Variants in GSE1 observed in about 807,000 individuals in gnomAD.
The protein encoded by GSE1 is genetic suppressor element 1.
In GSE1, 32 loss-of-function variants were observed where a neutral mutation model predicts 112.6. The ratio of observed to expected loss-of-function variants is 0.28; its 90% CI spans 0.21 to 0.38. The LOEUF (loss-of-function observed/expected upper bound fraction) is 0.38, where lower values mean the gene tolerates loss of function less well. Among genes scored for constraint, GSE1 ranks in the 10% least tolerant of loss-of-function variants. GSE1 has a pLI of 1.00. For missense variants in GSE1, 2,348 were observed against 1,699.2 expected, an observed-to-expected ratio of 1.38 and a Z score of -6.71; for synonymous variants, 1,115 against 735.6, an observed-to-expected ratio of 1.52 and a Z score of -8.35.
intron 1 of GSE1, among the ~76,000 whole-genome samples, chr16:85,173,303 A>G (rs2074395466): frequency 6.6e-6 from 1 of 152,162 alleles, no homozygotes; most frequent in African/African-American, 2.4e-5. Context: ...AGATTTCGAA[A>G]TTCTGCCCTT....
chr16:85,501,633 A>G (rs570275236), intron 2 of GSE1, among the ~76,000 whole-genome samples: 3 of 149,670 alleles, frequency 2.0e-5, no homozygotes, highest in East Asian at 2.0e-4. Flanking sequence ...GGCCTCGGCA[A>G]CCCTCCCACC....
At chr16:85,662,836 C>T (rs1299072558) in intron 9 of GSE1, 145 bp from the exon 10 acceptor site, 14 of 616,778 alleles carry the variant, frequency 2.3e-5, no homozygotes, top group African/African-American at 2.0e-4. Flanking sequence ...GTTTCCACCT[C>T]GGTTGAAAGG....
Position 85,656,388 on chromosome 16 carries a change from C to G in GSE1, c.1035C>G (p.Arg345=), listed in dbSNP as rs374136142. The G allele has an allele frequency of 1.3e-6, 2 of 1,560,192 alleles. No homozygotes were observed. Among genetic ancestry groups the G allele is most frequent in the Non-Finnish European group, 1.7e-6 (2 of 1,147,252 alleles). Residue 345 remains arginine (R), a synonymous_variant, in exon 7 of 16, where the codon CGC becomes CGG. Coordinates refer to ENST00000253458, the MANE Select transcript of GSE1 (RefSeq NM_014615.5). ...EELRRERERE[R]EREREREADR... The stretch of plus-strand genomic sequence containing the variant: ...TAAGGCGGGAGAGGGAGCGCGAGCG[C>G]GAGCGCGAGCGTGAGCGTGAGGCTG...
At chr16:85,248,739 C>T (rs575740147) in intron 1 of GSE1, among the ~76,000 whole-genome samples, 1 of 152,328 alleles carries the variant, frequency 6.6e-6, no homozygotes, top group African/African-American at 2.4e-5. Context: ...GAGCCATCTC[C>T]CCCCATTGAT....
At position 85,171,615 on chromosome 16, in the gene GSE1, G is replaced by T. The variant is rs576031283; in HGVS notation, c.2091G>T (p.Leu697=). ...AGGAGAAGAAACGGTGTCTGGGGCT[G>T]AAGTCCGTGCGGGTGGCCCGGCTGC... The change falls in exon 1 of 3, where the codon CTG becomes CTT. Residue 697 remains leucine (L), a synonymous_variant. Coordinates refer to the GSE1 transcript ENST00000637419. The T allele has an allele frequency of 2.2e-5, 22 of 985,578 alleles. No individual in the cohort carries two copies. In the South Asian group the frequency reaches 7.5e-4, roughly 34 times the overall value. The allele number at this position is 985,578 out of a possible 1,614,324, so 61.1% of individuals were successfully genotyped here. A position where few individuals can be genotyped will look rare whatever the true frequency, so the allele number is the denominator to read the frequency against.
At chr16:85,659,388 G>C (rs1349966490) in intron 8 of GSE1, 1 of 152,340 alleles carries the variant, frequency 6.6e-6, no homozygotes, top group African/African-American at 2.4e-5. Flanking sequence ...GCCAGGCACA[G>C]TGACACATGC....
intron 1 of GSE1, among the ~76,000 whole-genome samples, chr16:85,205,546 A>T (rs1209292649): frequency 1.3e-5 from 2 of 152,172 alleles, no homozygotes. Flanking sequence ...TTGTGTCTTC[A>T]CTGCCTTACT....
In GSE1 at chr16:85,183,141, G is replaced by A. The variant is rs555981107; in HGVS notation, c.2283+11334G>A. Among the ~76,000 whole-genome samples the A allele has an allele frequency of 1.3e-3, 204 of 151,794 alleles. 1 individual carries two copies. Among genetic ancestry groups the A allele is most frequent in the South Asian group, 0.012 (57 of 4,794 alleles). On this transcript the variant is annotated intron_variant, in intron 1 of 2. Coordinates refer to the GSE1 transcript ENST00000637419. ...CCCTCACCCCCTCACCGCCACATTC[G>A]CACTCATACACCTGCACAGTCATTT...
chr16:85,493,285 A>G (rs1032452344), intron 2 of GSE1, among the ~76,000 whole-genome samples: 4 of 152,164 alleles, frequency 2.6e-5, no homozygotes, highest in Non-Finnish European at 5.9e-5. Flanking sequence ...CCCCATTTCT[A>G]TAACAAAATA....
intron 2 of GSE1, among the ~76,000 whole-genome samples, chr16:85,425,395 T>C (rs1160485035): frequency 6.6e-6 from 1 of 151,908 alleles, no homozygotes; most frequent in Non-Finnish European, 1.5e-5. Flanking sequence ...TGGTGGAGGA[T>C]GGATCTGGGA....
chr16:85,348,785 G>A (rs2046794980), intron 1 of GSE1, among the ~76,000 whole-genome samples: 1 of 152,154 alleles, frequency 6.6e-6, no homozygotes, highest in African/African-American at 2.4e-5. Flanking sequence ...GCCGTCACCT[G>A]GCCAAACTTG....
At chr16:85,348,768 G>T (rs1434911844) in intron 1 of GSE1, among the ~76,000 whole-genome samples, 1 of 152,190 alleles carries the variant, frequency 6.6e-6, no homozygotes, top group Admixed American at 6.5e-5. Flanking sequence ...TCGGGCAGCT[G>T]CAGCCAGCCG....
At chr16:85,550,926 T>A (rs975125238) in intron 2 of GSE1, among the ~76,000 whole-genome samples, 8 of 152,214 alleles carry the variant, frequency 5.3e-5, no homozygotes, top group African/African-American at 1.9e-4. Flanking sequence ...CATTGAGAGA[T>A]GAAGCAGTTT....
At chr16:85,318,771 T>G (rs1457649394) in intron 1 of GSE1, among the ~76,000 whole-genome samples, 3 of 152,136 alleles carry the variant, frequency 2.0e-5, no homozygotes, top group African/African-American at 7.2e-5. Flanking sequence ...CTTCTCAGCT[T>G]CTCACCCCCA....
At chr16:85,289,366 AC>A (rs1264436229) in intron 1 of GSE1, among the ~76,000 whole-genome samples, 2 of 151,914 alleles carry the variant, frequency 1.3e-5, no homozygotes, top group Non-Finnish European at 2.9e-5. Context: ...TACTGTGGCC[AC>A]CCGTGTCCAG....
At position 85,674,080 on chromosome 16, in the gene GSE1, C is replaced by G. The variant is rs932468317; in HGVS notation, c.*1541C>G. 1.1e-4 allele frequency: 16 copies of G among 152,330 alleles called. No individual in the cohort carries two copies. Among genetic ancestry groups the G allele is most frequent in the African/African-American group, 3.6e-4 (15 of 41,458 alleles). The allele number at this position is 152,330 out of a possible 1,614,324, so 9.4% of individuals were successfully genotyped here. A position where few individuals can be genotyped will look rare whatever the true frequency, so the allele number is the denominator to read the frequency against. On this transcript the variant is annotated 3_prime_UTR_variant, in exon 16 of 16. Coordinates refer to ENST00000253458, the MANE Select transcript of GSE1 (RefSeq NM_014615.5). ...GGCAGTGTTTAGATCAAGAAGGCCT[C>G]TCTTGCTCCCAAGGGCCCTCACCAG... is the stretch of plus-strand genomic sequence containing the variant.
chr16:85,357,303 C>T (rs974447827), intron 1 of GSE1, among the ~76,000 whole-genome samples: 3 of 152,216 alleles, frequency 2.0e-5, no homozygotes, highest in African/African-American at 4.8e-5. Context: ...TTACTGAGGA[C>T]CTGCTCTGCT....
intron 2 of GSE1, among the ~76,000 whole-genome samples, chr16:85,388,376 G>GTGGGTAGATGGATGGA (rs1391875539): frequency 1.6e-5 from 1 of 60,762 alleles, no homozygotes; most frequent in African/African-American, 7.7e-5. Context: ...GGGCGGGTGG[G>GTGGGTAGATGGATGGA]TGGATGGATG....
At chr16:85,272,621 C>T (rs1441953234) in intron 1 of GSE1, among the ~76,000 whole-genome samples, 3 of 151,998 alleles carry the variant, frequency 2.0e-5, no homozygotes, top group African/African-American at 7.2e-5. Flanking sequence ...CACGGGTGTG[C>T]GGGGAGCCTG....
Sources: gnomAD v4.1 joint callset for allele counts (sites outside exome capture counted in the v4.1 genomes callset) on GRCh38, gnomAD v4.1.1 for gene constraint, MANE v1.5 for transcripts, NCBI Gene and HGNC (gene_info 2026-07-23, HGNC 2026-07-21) for gene names.